The following TUBA1C variants were observed in gnomAD, a reference collection of about 807,000 sequenced individuals.
TUBA1C encodes the protein tubulin alpha-1C chain.
In TUBA1C, 16 loss-of-function variants were observed where a neutral mutation model predicts 34.9. The observed-to-expected ratio is 0.46, with a 90% CI of 0.31 to 0.70. The LOEUF is 0.70. TUBA1C is among the 30% of genes least tolerant of loss of function. TUBA1C has a pLI of 0.05. For missense variants in TUBA1C, 329 were observed against 587.3 expected, an observed-to-expected ratio of 0.56 and a Z score of 4.55; for synonymous variants, 177 against 215.9, an observed-to-expected ratio of 0.82 and a Z score of 1.58.
chr12:49,270,718 G>C (rs1334807836), intron 3 of TUBA1C, among the ~76,000 whole-genome samples: 2 of 152,190 alleles, frequency 1.3e-5, no homozygotes, highest in Non-Finnish European at 2.9e-5. Flanking sequence ...CACGGTGGCT[G>C]ACATCTGTAA....
chr12:49,230,818 T>C (rs1385155123), intron 1 of TUBA1C, among the ~76,000 whole-genome samples: 2 of 152,212 alleles, frequency 1.3e-5, no homozygotes, highest in South Asian at 2.1e-4. Context: ...CCTGAAAGCA[T>C]TGGAAACTGA....
chr12:49,245,154 T>C (rs776888357), intron 1 of TUBA1C, among the ~76,000 whole-genome samples: 3 of 152,198 alleles, frequency 2.0e-5, no homozygotes, highest in Non-Finnish European at 4.4e-5. Flanking sequence ...TATTCACTTA[T>C]TCATCACTTG....
Position 49,273,001 on chromosome 12 carries a change from T to C in TUBA1C, c.1124T>C (p.Val375Ala), listed in dbSNP as rs751111221. ...GGDLAKVQRAVCMLSNTTAVA... is the reference protein window; with the variant it reads ...GGDLAKVQRAACMLSNTTAVA... Reference sequence around the variant, plus strand: ...GACCTGGCCAAGGTACAGAGAGCTGTGTGCATGCTGAGCAATACCACAGCT... The same window carrying C: ...GACCTGGCCAAGGTACAGAGAGCTGCGTGCATGCTGAGCAATACCACAGCT... Residue 375 changes from valine (V) to alanine (A), a missense_variant, in exon 4 of 4, where the codon GTG (valine) becomes GCG (alanine). By Grantham distance (64) the Val-to-Ala change is moderately conservative (BLOSUM62 0). This residue lies in a region of TUBA1C where 140 missense variants were observed against 289.8 expected (regional missense o/e 0.48). Coordinates refer to ENST00000301072, the MANE Select transcript of TUBA1C (RefSeq NM_032704.5). The C allele has an allele frequency of 1.1e-5, 17 of 1,614,242 alleles. No homozygotes were observed. Among genetic ancestry groups the C allele is most frequent in the Non-Finnish European group, 1.4e-5 (16 of 1,180,046 alleles).
At chr12:49,236,463 C>T (rs550053586) in intron 1 of TUBA1C, among the ~76,000 whole-genome samples, 4 of 152,254 alleles carry the variant, frequency 2.6e-5, no homozygotes, top group Admixed American at 1.3e-4. Context: ...TAGTTACTTT[C>T]CAACAAAACT....
At chr12:49,250,172 C>G (rs1180207510) in intron 1 of TUBA1C, among the ~76,000 whole-genome samples, 1 of 151,734 alleles carries the variant, frequency 6.6e-6, no homozygotes. Flanking sequence ...GCACTGCAAC[C>G]TGGGCGACAG....
chr12:49,247,062 C>T (rs1305731964), intron 1 of TUBA1C, among the ~76,000 whole-genome samples: 1 of 151,450 alleles, frequency 6.6e-6, no homozygotes, highest in Non-Finnish European at 1.5e-5. Context: ...ATTGCATGAA[C>T]CCAGGAGATG....
intron 1 of TUBA1C, chr12:49,228,169 A>G (rs1335525088): frequency 3.3e-6 from 5 of 1,535,712 alleles, no homozygotes; most frequent in Non-Finnish European, 4.4e-6. Context: ...ATTCAAAGGT[A>G]AGGCTGTAAT....
intron 1 of TUBA1C, among the ~76,000 whole-genome samples, chr12:49,250,437 T>C (rs1483196731): frequency 1.4e-5 from 2 of 146,598 alleles, no homozygotes; most frequent in Non-Finnish European, 3.0e-5. Context: ...GTCAGGAGAA[T>C]AGCGTGAACC....
At position 49,265,135 on chromosome 12, in the gene TUBA1C, C is replaced by G; in HGVS notation, c.-47C>G. 1 of 1,593,018 alleles carries G rather than the reference C, an allele frequency of 6.3e-7. No individual in the cohort carries two copies. The highest frequency in any genetic ancestry group is 8.6e-7 in the Non-Finnish European group (1 of 1,166,232). ...TCTGTTAGTGGGAGATCCTTGTTGC[C>G]GTCCCTTCGCCTCCTTCACCGCCGC... On this transcript the variant is annotated 5_prime_UTR_variant, in exon 1 of 4. Coordinates refer to ENST00000301072, the MANE Select transcript of TUBA1C (RefSeq NM_032704.5).
rs1942778059 is a variant in TUBA1C at position 49,255,802 on chromosome 12, G to A, written c.214-13663G>A. ...GCTGGTCTGGAACTCCTGACATCAC[G>A]TGATCCGCCGGCCTCAGTCTCCCAA... On this transcript the variant is annotated intron_variant, in intron 1 of 3. Coordinates refer to the TUBA1C transcript ENST00000541364. 3.3e-5 allele frequency among the ~76,000 whole-genome samples: 5 copies of A among 152,200 alleles called. No individual in the cohort carries two copies. In the South Asian group the frequency reaches 1.0e-3, roughly 32 times the overall value.
intron 1 of TUBA1C, among the ~76,000 whole-genome samples, chr12:49,254,168 G>A (rs955545673): frequency 2.0e-4 from 30 of 152,072 alleles, no homozygotes; most frequent in African/African-American, 6.8e-4. Context: ...CAAATTAGCC[G>A]GGCGTGGTGG....
At chr12:49,272,202 A>C (rs914503173) in intron 3 of TUBA1C, 51 bp from the exon 4 acceptor site, 2 of 1,549,574 alleles carry the variant, frequency 1.3e-6, no homozygotes, top group African/African-American at 2.8e-5. Context: ...CCAAATGTGA[A>C]CACTAAATGA....
intron 1 of TUBA1C, among the ~76,000 whole-genome samples, chr12:49,254,484 C>CAAAAAAAA (rs764051406): frequency 5.1e-4 from 15 of 29,620 alleles, no homozygotes; most frequent in South Asian, 1.6e-3. Context: ...TCCATCTAAA[C>CAAAAAAAA]AAAAAAAAAA....
exon 1 of TUBA1C, chr12:49,228,108 C>T (rs767666891): frequency 1.4e-4 from 217 of 1,535,552 alleles, no homozygotes; most frequent in Non-Finnish European, 1.8e-4. Context: ...CAGCTCCCTG[C>T]GCCTTTTAAC....
At chr12:49,260,464 T>C (rs1406937270), upstream of TUBA1C, among the ~76,000 whole-genome samples, 6 of 152,202 alleles carry the variant, frequency 3.9e-5, no homozygotes, top group Admixed American at 3.3e-4. Context: ...AGAATGGAGC[T>C]AGCATTTCAC....
chr12:49,232,874 T>G (rs1402237735), intron 1 of TUBA1C: 1 of 152,210 alleles, frequency 6.6e-6, no homozygotes, highest in Non-Finnish European at 1.5e-5. Context: ...AAACTCAGAA[T>G]ACAAACTTAA....
At chr12:49,242,408 T>A (rs539272062) in intron 1 of TUBA1C, among the ~76,000 whole-genome samples, 1 of 152,200 alleles carries the variant, frequency 6.6e-6, no homozygotes, top group Non-Finnish European at 1.5e-5. Context: ...CCAGTCCCCA[T>A]GGCCAAACCA....
rs1943025087 is a variant in TUBA1C, at chr12:49,273,588, A to G, written c.*361A>G. ...TTTCTTGTAGAGATGGGGCCTTGCT[A>G]TGCTGCCCAGGGTGGTCTTCAACTG... is the stretch of plus-strand genomic sequence containing the variant. On this transcript the variant is annotated 3_prime_UTR_variant, in exon 4 of 4. Coordinates refer to ENST00000301072, the MANE Select transcript of TUBA1C (RefSeq NM_032704.5). 1.1e-5 allele frequency: 4 copies of G among 347,906 alleles called. No individual in the cohort carries two copies. The highest frequency in any genetic ancestry group is 7.4e-5 in the East Asian group (1 of 13,598). 21.6% of individuals were successfully genotyped at this position (347,906 alleles called of 1,614,324 possible). A position where few individuals can be genotyped will look rare whatever the true frequency, so the allele number is the denominator to read the frequency against.
At chr12:49,247,134 C>A (rs1942678129) in intron 1 of TUBA1C, among the ~76,000 whole-genome samples, 1 of 142,112 alleles carries the variant, frequency 7.0e-6, no homozygotes, top group African/African-American at 2.7e-5. Context: ...AGCAAGACTC[C>A]ATCTCAAAAA....
Sources: gnomAD v4.1 joint callset for allele counts (sites outside exome capture counted in the v4.1 genomes callset) on GRCh38, gnomAD v4.1.1 for gene constraint, gnomAD v4.1.1 regional missense constraint, MANE v1.5 for transcripts, NCBI Gene and HGNC (gene_info 2026-07-23, HGNC 2026-07-21) for gene names.